The following RAP1GAP variants were observed in gnomAD, a reference collection of about 807,000 sequenced individuals.
The protein encoded by RAP1GAP is rap1 GTPase-activating protein 1.
RAP1GAP carries 35 observed loss-of-function variants against 87.2 expected under a neutral mutation model. That is an observed-to-expected ratio of 0.40 (90% CI 0.31 to 0.53). The LOEUF is 0.53. Ranked by LOEUF, RAP1GAP falls within the 20% of genes least tolerant of loss-of-function variation. RAP1GAP has a pLI of 0.48. For synonymous variants in RAP1GAP, 375 were observed against 363.9 expected, an observed-to-expected ratio of 1.03 and a Z score of -0.35; for missense variants, 734 against 898.9, an observed-to-expected ratio of 0.82 and a Z score of 2.35.
At chr1:21,648,480 C>T (rs2096277425) in intron 2 of RAP1GAP, among the ~76,000 whole-genome samples, 1 of 152,206 alleles carries the variant, frequency 6.6e-6, no homozygotes, top group African/African-American at 2.4e-5. Flanking sequence ...CATTTCCCCA[C>T]TCCGGGCTTC....
chr1:21,611,606 G>A (rs1218511012), intron 12 of RAP1GAP, 25 bp from the exon 13 acceptor site: 12 of 1,613,810 alleles, frequency 7.4e-6, no homozygotes, highest in Admixed American at 5.0e-5. Flanking sequence ...CCCAGGCCAC[G>A]CCTCAGTCTC....
chr1:21,627,036 C>T (rs529189482), intron 2 of RAP1GAP: 1 of 456,232 alleles, frequency 2.2e-6, no homozygotes, highest in East Asian at 6.9e-5. Flanking sequence ...CCCGGACTCT[C>T]TGCCCACACC....
chr1:21,618,408 C>T (rs544004820), intron 5 of RAP1GAP, among the ~76,000 whole-genome samples: 3 of 152,316 alleles, frequency 2.0e-5, no homozygotes, highest in African/African-American at 4.8e-5. Flanking sequence ...GGGCCCACTC[C>T]ACCAGGCCTG....
chr1:21,634,650 T>C lies in RAP1GAP; in HGVS notation c.-112-8253A>G. ...TGCCGAGACACCCGGATCCCGGAGC[T>C]GGGCCAGGCAGAGGCCTCCTGAACA... On this transcript the variant is annotated intron_variant, in intron 2 of 24. Coordinates refer to ENST00000374765, the MANE Select transcript of RAP1GAP (RefSeq NM_002885.4). The surrounding 1 kb of genome is among the most constrained non-coding windows in gnomAD (Gnocchi z 4.1). 4.0e-6 allele frequency: 1 copy of C among 251,110 alleles called. No individual in the cohort carries two copies. The highest frequency in any genetic ancestry group is 9.0e-6 in the Non-Finnish European group (1 of 111,450). The allele number at this position is 251,110 out of a possible 1,614,324, so 15.6% of individuals were successfully genotyped here. A position where few individuals can be genotyped will look rare whatever the true frequency, so the allele number is the denominator to read the frequency against.
At chr1:21,597,306 T>TA in intron 24 of RAP1GAP, 42 bp from the exon 25 acceptor site, 2 of 206,584 alleles carry the variant, frequency 9.7e-6, no homozygotes, top group South Asian at 1.4e-4. Flanking sequence ...AAACATGGCA[T>TA]GGTGGGTGGC....
rs1391615020 is a variant in RAP1GAP, at chr1:21,603,913, C to T, written c.1429-1000G>A. 1 of 1,536,722 alleles carries T rather than the reference C, an allele frequency of 6.5e-7. No individual in the cohort carries two copies. The highest frequency in any genetic ancestry group is 1.4e-5 in the African/African-American group (1 of 72,974). ...CACTTTTCCCAGGAATAAGCAATGACTGGCAAGCAGCAGAGGGCGGGGGCA... is the reference window on the plus strand; with the variant it reads ...CACTTTTCCCAGGAATAAGCAATGATTGGCAAGCAGCAGAGGGCGGGGGCA... On this transcript the variant is annotated intron_variant, in intron 18 of 24. Transcript: ENST00000374765. The surrounding 1 kb of genome is among the most constrained non-coding windows in gnomAD (Gnocchi z 6.0).
At chr1:21,653,574 TC>T (rs1558896659) in intron 1 of RAP1GAP, among the ~76,000 whole-genome samples, 51 of 130,770 alleles carry the variant, frequency 3.9e-4, no homozygotes, top group Middle Eastern at 3.8e-3. Context: ...CTTCCTTCCT[TC>T]CTTCCTTCCT....
chr1:21,664,066 T>G (rs1429871213), intron 1 of RAP1GAP, among the ~76,000 whole-genome samples: 1 of 152,196 alleles, frequency 6.6e-6, no homozygotes, highest in East Asian at 1.9e-4. Context: ...CCGGGCGGCT[T>G]GCCTGAGCTC....
intron 15 of RAP1GAP, 57 bp from the exon 16 acceptor site, chr1:21,608,993 A>C: frequency 2.8e-6 from 4 of 1,451,130 alleles, no homozygotes; most frequent in African/African-American, 1.4e-5. Context: ...ACACATAAAC[A>C]AGGGTCGGAA....
intron 2 of RAP1GAP, among the ~76,000 whole-genome samples, chr1:21,642,053 GC>G (rs1287920686): frequency 5.9e-5 from 9 of 152,244 alleles, no homozygotes; most frequent in African/African-American, 1.9e-4. Flanking sequence ...AAAGGAATGA[GC>G]CAAGGCTCAG....
At position 21,634,468 on chromosome 1, in the gene RAP1GAP, G is replaced by A. The variant is rs760479636; in HGVS notation, c.-112-8071C>T. On this transcript the variant is annotated intron_variant, in intron 2 of 24. Coordinates refer to ENST00000374765, the MANE Select transcript of RAP1GAP (RefSeq NM_002885.4). This position sits in a 1 kb window ranked among gnomAD's most constrained non-coding sequence, Gnocchi z 4.1. The stretch of plus-strand genomic sequence containing the variant: ...AGATAAGGAGGCAGAGGCTTAGTGA[G>A]GTTTATGATGGGCCAAGGGCCTCAA... 2.0e-5 allele frequency among the ~76,000 whole-genome samples: 3 copies of A among 152,212 alleles called. No homozygotes were observed. The highest frequency in any genetic ancestry group is 4.8e-5 in the African/African-American group (2 of 41,460).
intron 18 of RAP1GAP, among the ~76,000 whole-genome samples, chr1:21,605,464 C>T (rs2073775750): frequency 6.6e-6 from 1 of 152,346 alleles, no homozygotes; most frequent in East Asian, 1.9e-4. Context: ...TTCTGACACA[C>T]AGTAGGTTCT....
intron 2 of RAP1GAP, among the ~76,000 whole-genome samples, chr1:21,646,046 G>A (rs183489695): frequency 1.1e-3 from 164 of 152,312 alleles, no homozygotes; most frequent in Middle Eastern, 3.4e-3. Context: ...CTCTCTGAGC[G>A]TCAGTTCCCT....
intron 7 of RAP1GAP, among the ~76,000 whole-genome samples, chr1:21,616,326 G>A (rs2082147207): frequency 6.6e-6 from 1 of 152,170 alleles, no homozygotes; most frequent in Non-Finnish European, 1.5e-5. Context: ...TTCCTCTTCT[G>A]CAAAAACAGA....
chr1:21,649,306 G>A (rs1303589254), intron 2 of RAP1GAP, among the ~76,000 whole-genome samples: 3 of 152,034 alleles, frequency 2.0e-5, no homozygotes, highest in Non-Finnish European at 4.4e-5. Flanking sequence ...TTGGGGGTCA[G>A]TAAAGGCTAA....
chr1:21,599,833 C>T (rs1010221781), intron 20 of RAP1GAP, among the ~76,000 whole-genome samples: 7 of 152,314 alleles, frequency 4.6e-5, no homozygotes, highest in South Asian at 2.1e-4. Context: ...AATCTGACCA[C>T]GTCCCTCCCC....
intron 13 of RAP1GAP, 89 bp downstream of exon 13, chr1:21,611,363 C>T (rs1481199757): frequency 4.0e-6 from 6 of 1,488,012 alleles, no homozygotes; most frequent in African/African-American, 2.8e-5. Flanking sequence ...CAGGGCCCAG[C>T]GCTGAGCCTG....
At chr1:21,652,597 C>T (rs776996011) in intron 1 of RAP1GAP, among the ~76,000 whole-genome samples, 12 of 152,128 alleles carry the variant, frequency 7.9e-5, no homozygotes, top group Non-Finnish European at 1.3e-4. Context: ...CCCCTCCACT[C>T]CCCTCTTGAA....
chr1:21,637,304 A>T (rs1276481356), intron 2 of RAP1GAP, among the ~76,000 whole-genome samples: 1 of 129,390 alleles, frequency 7.7e-6, no homozygotes, highest in Admixed American at 8.6e-5. Flanking sequence ...CCACAGGTGC[A>T]TGCCACCACA....
Sources: allele counts gnomAD v4.1 joint callset (sites outside exome capture counted in the v4.1 genomes callset), GRCh38; gene constraint gnomAD v4.1.1; non-coding constraint Gnocchi (gnomAD v3.1); transcripts MANE v1.5; gene names NCBI Gene and HGNC (gene_info 2026-07-23, HGNC 2026-07-21).